Variants in HMGCLL1 observed in about 807,000 individuals in gnomAD.
The protein encoded by HMGCLL1 is 3-hydroxy-3-methylglutaryl-CoA lyase like 1, also known as 3-hydroxymethyl-3-methylglutaryl-CoA lyase, cytoplasmic.
Under a neutral mutation model 39.1 loss-of-function variants are expected in HMGCLL1, and 36 were observed. The ratio of observed to expected loss-of-function variants is 0.92; its 90% CI spans 0.71 to 1.22. The LOEUF is 1.22. Ranked by LOEUF, HMGCLL1 falls within the 50% of genes most tolerant of loss-of-function variation. The pLI is 0.00. For missense variants in HMGCLL1, 451 were observed against 416.5 expected, an observed-to-expected ratio of 1.08 and a Z score of -0.72; for synonymous variants, 149 against 144.0, an observed-to-expected ratio of 1.03 and a Z score of -0.25.
chr6:55,632,597 A>C, the HMGCLL1 span, among the ~76,000 whole-genome samples: 1 of 151,924 alleles, frequency 6.6e-6, no homozygotes, highest in African/African-American at 2.4e-5. Context: ...TTTATAATAC[A>C]ACTTACATCA....
At chr6:55,592,753 CTAAA>C in the HMGCLL1 span, among the ~76,000 whole-genome samples, 3 of 152,008 alleles carry the variant, frequency 2.0e-5, no homozygotes, top group Non-Finnish European at 2.9e-5. Flanking sequence ...AAGTGCAGTT[CTAAA>C]TATTTAAGTG....
intron 7 of HMGCLL1, among the ~76,000 whole-genome samples, chr6:55,491,314 C>T (rs921939617): frequency 2.0e-5 from 3 of 152,084 alleles, no homozygotes; most frequent in African/African-American, 4.8e-5. Context: ...CTAACCTGCA[C>T]GTTGTGCACA....
At chr6:55,510,106 T>C (rs960477247) in intron 5 of HMGCLL1, among the ~76,000 whole-genome samples, 1 of 151,998 alleles carries the variant, frequency 6.6e-6, no homozygotes, top group African/African-American at 2.4e-5. Flanking sequence ...GTTTTATAAT[T>C]TTTAAAACAA....
chr6:55,502,713 GT>G (rs77793967), intron 5 of HMGCLL1, among the ~76,000 whole-genome samples: 2,086 of 147,552 alleles, frequency 0.014, 50 homozygotes, highest in African/African-American at 0.049. Flanking sequence ...TAAAGATCTG[GT>G]TTTTTTTTTT....
chr6:55,581,137 C>G (rs551620818), upstream of HMGCLL1, among the ~76,000 whole-genome samples: 32 of 152,112 alleles, frequency 2.1e-4, no homozygotes, highest in Non-Finnish European at 3.8e-4. Context: ...AATAAGACCT[C>G]TAAGATAAGT....
At chr6:55,588,183 A>G in the HMGCLL1 span, among the ~76,000 whole-genome samples, 2 of 152,198 alleles carry the variant, frequency 1.3e-5, no homozygotes, top group African/African-American at 4.8e-5. Flanking sequence ...ATGTAAAAGA[A>G]CAGAAATTAT....
intron 1 of HMGCLL1, among the ~76,000 whole-genome samples, chr6:55,550,696 T>C (rs1770280881): frequency 1.3e-5 from 2 of 151,892 alleles, no homozygotes; most frequent in African/African-American, 4.8e-5. Context: ...AGGTGGGATA[T>C]TGCTACTCCC....
At chr6:55,504,202 T>C (rs1767039482) in intron 5 of HMGCLL1, among the ~76,000 whole-genome samples, 1 of 151,726 alleles carries the variant, frequency 6.6e-6, no homozygotes. Flanking sequence ...CTGAGATTTC[T>C]CTTCACTGTG....
At chr6:55,520,528 G>A (rs1364282710) in intron 3 of HMGCLL1, among the ~76,000 whole-genome samples, 1 of 151,894 alleles carries the variant, frequency 6.6e-6, no homozygotes, top group South Asian at 2.1e-4. Flanking sequence ...AATCCTGATA[G>A]AGTATCATTT....
At chr6:55,502,349 C>T (rs2127428689) in intron 5 of HMGCLL1, among the ~76,000 whole-genome samples, 1 of 151,782 alleles carries the variant, frequency 6.6e-6, no homozygotes, top group East Asian at 1.9e-4. Flanking sequence ...ATCTCAGGAT[C>T]TGCTATACTT....
intron 7 of HMGCLL1, among the ~76,000 whole-genome samples, chr6:55,446,872 T>A (rs1763867664): frequency 2.0e-5 from 3 of 151,994 alleles, no homozygotes; most frequent in Admixed American, 2.0e-4. Flanking sequence ...AACAATTAGA[T>A]CTGGATTATT....
chr6:55,571,498 T>C (rs1399764608), intron 1 of HMGCLL1, among the ~76,000 whole-genome samples: 1 of 151,952 alleles, frequency 6.6e-6, no homozygotes, highest in Non-Finnish European at 1.5e-5. Context: ...TGGCAGAAAG[T>C]AGGATAAACA....
the HMGCLL1 span, among the ~76,000 whole-genome samples, chr6:55,638,825 T>A: frequency 6.6e-6 from 1 of 152,138 alleles, no homozygotes; most frequent in Non-Finnish European, 1.5e-5. Context: ...TTAAATAGTT[T>A]AGGGAATTAA....
At chr6:55,553,750 T>A (rs1429799643) in intron 1 of HMGCLL1, among the ~76,000 whole-genome samples, 1 of 152,152 alleles carries the variant, frequency 6.6e-6, no homozygotes, top group African/African-American at 2.4e-5. Flanking sequence ...TTTGCAAAAA[T>A]GGTAACTTAA....
chr6:55,537,929 A>C (rs1769124482), intron 3 of HMGCLL1, among the ~76,000 whole-genome samples: 1 of 152,206 alleles, frequency 6.6e-6, no homozygotes, highest in Non-Finnish European at 1.5e-5. Context: ...ATCATTTTAT[A>C]GTCCTATCCC....
intron 7 of HMGCLL1, among the ~76,000 whole-genome samples, chr6:55,477,317 ATATATTATATTATATAAT>A (rs1765449275): frequency 4.6e-5 from 1 of 21,572 alleles, no homozygotes; most frequent in African/African-American, 3.1e-4. Flanking sequence ...TATATATAAT[ATATATTATATTATATAAT>A]ATATATTATA....
chr6:55,459,990 C>T (rs1468617372), intron 7 of HMGCLL1, among the ~76,000 whole-genome samples: 1 of 151,920 alleles, frequency 6.6e-6, no homozygotes, highest in Non-Finnish European at 1.5e-5. Flanking sequence ...GTCTATAGAA[C>T]ATCTGTAAGT....
intron 3 of HMGCLL1, among the ~76,000 whole-genome samples, chr6:55,537,994 G>A (rs1235270156): frequency 6.6e-6 from 1 of 151,952 alleles, no homozygotes; most frequent in African/African-American, 2.4e-5. Context: ...TCTCACAAAG[G>A]GACTGCCTTT....
chr6:55,481,008 T>C (rs1765717115), intron 7 of HMGCLL1, among the ~76,000 whole-genome samples: 2 of 152,056 alleles, frequency 1.3e-5, no homozygotes, highest in African/African-American at 4.8e-5. Context: ...GGAGTGGGAA[T>C]GGTTAATGGG....
Sources: allele counts gnomAD v4.1 joint callset (sites outside exome capture counted in the v4.1 genomes callset), GRCh38; gene constraint gnomAD v4.1.1; transcripts MANE v1.5; gene names NCBI Gene and HGNC (gene_info 2026-07-23, HGNC 2026-07-21).